The following RBFOX1 variants were observed in gnomAD, a reference collection of about 807,000 sequenced individuals.
RBFOX1 encodes the protein RNA binding fox-1 homolog 1.
RBFOX1 carries 8 observed loss-of-function variants against 57.7 expected under a neutral mutation model. That is an observed-to-expected ratio of 0.14 (90% CI 0.08 to 0.25). The LOEUF (loss-of-function observed/expected upper bound fraction) is 0.25. Ranked by LOEUF, RBFOX1 falls within the 10% of genes least tolerant of loss-of-function variation. The probability of loss-of-function intolerance (pLI) is 1.00; values close to 1 mark genes in which losing one functional copy is unlikely to be tolerated. For synonymous variants in RBFOX1, 326 were observed against 222.4 expected, an observed-to-expected ratio of 1.47 and a Z score of -4.15; for missense variants, 611 against 548.5, an observed-to-expected ratio of 1.11 and a Z score of -1.14.
intron 3 of RBFOX1, among the ~76,000 whole-genome samples, chr16:5,674,056 A>G (rs1160428968): frequency 1.3e-5 from 2 of 152,210 alleles, no homozygotes; most frequent in African/African-American, 4.8e-5. Flanking sequence ...TGAATCATTC[A>G]TTCTTGGTTG....
chr16:7,002,899 A>G (rs1242288178), intron 3 of RBFOX1, among the ~76,000 whole-genome samples: 3 of 152,192 alleles, frequency 2.0e-5, no homozygotes, highest in Non-Finnish European at 4.4e-5. Context: ...GCTAGAAATC[A>G]GAATAACACA....
At chr16:7,390,797 A>G (rs2097995353) in intron 4 of RBFOX1, among the ~76,000 whole-genome samples, 1 of 152,176 alleles carries the variant, frequency 6.6e-6, no homozygotes, top group African/African-American at 2.4e-5. Context: ...CATTTATAAG[A>G]ATATGAATGT....
chr16:5,353,703 C>G (rs891738372), intron 1 of RBFOX1, among the ~76,000 whole-genome samples: 5 of 142,314 alleles, frequency 3.5e-5, no homozygotes, highest in African/African-American at 1.3e-4. Flanking sequence ...GAAACCTAGG[C>G]TGAAAACTAA....
chr16:7,130,893 A>C (rs1288999118), intron 4 of RBFOX1, among the ~76,000 whole-genome samples: 1 of 152,166 alleles, frequency 6.6e-6, no homozygotes, highest in Non-Finnish European at 1.5e-5. Flanking sequence ...ATGAGGCGAC[A>C]GTGACACAGC....
At chr16:7,323,159 C>A (rs545093971) in intron 4 of RBFOX1, among the ~76,000 whole-genome samples, 1 of 152,336 alleles carries the variant, frequency 6.6e-6, no homozygotes, top group Non-Finnish European at 1.5e-5. Flanking sequence ...GCACATGGCT[C>A]ATGCCTGTAA....
At chr16:6,150,691 C>A (rs867152223) in intron 1 of RBFOX1, among the ~76,000 whole-genome samples, 35 of 152,166 alleles carry the variant, frequency 2.3e-4, no homozygotes, top group African/African-American at 8.4e-4. Flanking sequence ...CTTTTCCCTT[C>A]CTCTTTCCAC....
At chr16:6,188,897 CTTTTAT>C (rs59496956) in intron 1 of RBFOX1, among the ~76,000 whole-genome samples, 21,101 of 152,032 alleles carry the variant, frequency 0.14, 2,548 homozygotes, top group African/African-American at 0.32. Context: ...GTCTGCTTTT[CTTTTAT>C]TAAGAGATCT....
At chr16:5,534,708 G>C (rs941716305) in intron 2 of RBFOX1, among the ~76,000 whole-genome samples, 2 of 152,088 alleles carry the variant, frequency 1.3e-5, no homozygotes, top group Non-Finnish European at 2.9e-5. Context: ...ACTGACTCAC[G>C]TGTTAACCTT....
intron 1 of RBFOX1, among the ~76,000 whole-genome samples, chr16:6,193,411 TA>T (rs1776391704): frequency 1.2e-5 from 1 of 82,946 alleles, no homozygotes; most frequent in Non-Finnish European, 2.8e-5. Context: ...TATATATATA[TA>T]TATATATATA....
rs1463736705 is a variant in RBFOX1, at chr16:6,917,429, G to T, written c.-15-134628G>T. On this transcript the variant is annotated intron_variant, in intron 3 of 15. Coordinates refer to ENST00000550418, the MANE Select transcript of RBFOX1 (RefSeq NM_018723.4). ...TATAAAGAAATCTACAAGTGCTTTT[G>T]TCCTTGATGTGTTTCATTTGGGGAA... Among the ~76,000 whole-genome samples, 4 of 152,162 alleles carry T rather than the reference G, an allele frequency of 2.6e-5. 1 individual carries two copies. The highest frequency in any genetic ancestry group is 2.6e-4 in the Admixed American group (4 of 15,288).
chr16:6,988,731 A>AT lies in RBFOX1; in HGVS notation c.-15-63315dup, dbSNP rs111959126. 2.7e-3 allele frequency among the ~76,000 whole-genome samples: 251 copies of AT among 91,288 alleles called. 4 individuals are homozygous for AT. Among genetic ancestry groups the AT allele is most frequent in the Middle Eastern group, 0.018 (3 of 170 alleles). The allele number at this position is 91,288 out of a possible 152,430, so 59.9% of individuals were successfully genotyped here. The stretch of plus-strand genomic sequence containing the variant: ...AGGTGTGTGACATCACACCCAGCTA[A>AT]TTTTTTTTTTTGTTTGTTTGTTTTT... On this transcript the variant is annotated intron_variant, in intron 3 of 15. Transcript: ENST00000550418.
chr16:5,638,509 C>G (rs988383633), intron 3 of RBFOX1, among the ~76,000 whole-genome samples: 6 of 152,162 alleles, frequency 3.9e-5, no homozygotes, highest in Non-Finnish European at 8.8e-5. Flanking sequence ...GGGATACTCA[C>G]CTGCCACCCC....
At chr16:7,212,078 G>C (rs1007386521) in intron 4 of RBFOX1, among the ~76,000 whole-genome samples, 1 of 152,120 alleles carries the variant, frequency 6.6e-6, no homozygotes, top group Non-Finnish European at 1.5e-5. Context: ...CTGGAGTGAT[G>C]ATTAGTGGAT....
At chr16:7,122,216 C>A (rs80185553) in intron 4 of RBFOX1, among the ~76,000 whole-genome samples, 526 of 152,096 alleles carry the variant, frequency 3.5e-3, no homozygotes, top group South Asian at 0.011. Context: ...AAAGAAAATA[C>A]AAGAATCTGT....
chr16:6,155,916 A>G (rs2096835173), intron 1 of RBFOX1, among the ~76,000 whole-genome samples: 1 of 152,174 alleles, frequency 6.6e-6, no homozygotes, highest in Admixed American at 6.5e-5. Flanking sequence ...GACATTTGAA[A>G]TGCCTTCTTT....
At chr16:7,255,970 T>C (rs1207372617) in intron 4 of RBFOX1, among the ~76,000 whole-genome samples, 1 of 152,130 alleles carries the variant, frequency 6.6e-6, no homozygotes, top group Non-Finnish European at 1.5e-5. Flanking sequence ...ATGGGGTGAT[T>C]ATGTGTGTTG....
intron 3 of RBFOX1, among the ~76,000 whole-genome samples, chr16:5,807,620 C>T (rs1378009548): frequency 6.6e-6 from 1 of 152,072 alleles, no homozygotes; most frequent in Non-Finnish European, 1.5e-5. Flanking sequence ...TGAATGTAGT[C>T]AGGGAGGGGG....
chr16:5,987,543 T>A (rs929152106), intron 4 of RBFOX1, among the ~76,000 whole-genome samples: 2 of 152,118 alleles, frequency 1.3e-5, no homozygotes, highest in African/African-American at 4.8e-5. Context: ...GTTATAAAAG[T>A]CATAAGCGGG....
chr16:6,875,004 A>T (rs536715992), intron 3 of RBFOX1, among the ~76,000 whole-genome samples: 122 of 152,346 alleles, frequency 8.0e-4, no homozygotes, highest in Admixed American at 1.7e-3. Context: ...AATGATTCCA[A>T]GTTGGGCAGA....
Sources: gnomAD v4.1 joint callset for allele counts (sites outside exome capture counted in the v4.1 genomes callset) on GRCh38, gnomAD v4.1.1 for gene constraint, MANE v1.5 for transcripts, NCBI Gene and HGNC (gene_info 2026-07-23, HGNC 2026-07-21) for gene names.